The following LRBA variants were observed in gnomAD, a reference collection of about 807,000 sequenced individuals.
LRBA encodes the protein LPS responsive beige-like anchor protein.
LRBA carries 176 observed loss-of-function variants against 330.0 expected under a neutral mutation model. The observed-to-expected ratio is 0.53, with a 90% CI of 0.47 to 0.60. The LOEUF is 0.60. Among genes scored for constraint, LRBA ranks in the 20% least tolerant of loss-of-function variants. The pLI is 0.00. For missense variants in LRBA, 3,259 were observed against 3,444.8 expected, an observed-to-expected ratio of 0.95 and a Z score of 1.35; for synonymous variants, 1,230 against 1,193.0, an observed-to-expected ratio of 1.03 and a Z score of -0.64.
intron 40 of LRBA, among the ~76,000 whole-genome samples, chr4:150,577,644 G>A: frequency 6.6e-6 from 1 of 151,602 alleles, no homozygotes; most frequent in East Asian, 1.9e-4. Context: ...AATATTTCCT[G>A]GAAAATAAGA....
chr4:150,768,914 C>T (rs1437381712), intron 34 of LRBA, among the ~76,000 whole-genome samples: 1 of 138,228 alleles, frequency 7.2e-6, no homozygotes, highest in Non-Finnish European at 1.5e-5. Flanking sequence ...GGGATTTTAT[C>T]AAGTGCTGTC....
At chr4:150,599,257 CT>C in intron 37 of LRBA, 126 bp from the exon 38 acceptor site, 1 of 900,916 alleles carries the variant, frequency 1.1e-6, no homozygotes, top group South Asian at 1.7e-5. Flanking sequence ...TTAATTCTCC[CT>C]CCATCTCACA....
intron 2 of LRBA, among the ~76,000 whole-genome samples, chr4:150,964,604 T>C (rs980566668): frequency 1.3e-5 from 2 of 151,484 alleles, no homozygotes; most frequent in African/African-American, 2.4e-5. Context: ...TGTGCTTTGT[T>C]AAACAGATGC....
At chr4:150,414,811 T>A (rs1163766654) in intron 47 of LRBA, among the ~76,000 whole-genome samples, 2 of 152,176 alleles carry the variant, frequency 1.3e-5, no homozygotes, top group Non-Finnish European at 2.9e-5. Context: ...TTTTAAATAC[T>A]AAGAATAAAG....
intron 37 of LRBA, among the ~76,000 whole-genome samples, chr4:150,677,129 C>A (rs992048089): frequency 2.0e-5 from 3 of 151,782 alleles, no homozygotes; most frequent in Admixed American, 2.0e-4. Flanking sequence ...TTTACCTGAC[C>A]CCCCAACCCC....
At chr4:150,987,486 T>C (rs1408078744) in intron 2 of LRBA, among the ~76,000 whole-genome samples, 1 of 152,114 alleles carries the variant, frequency 6.6e-6, no homozygotes, top group Non-Finnish European at 1.5e-5. Flanking sequence ...GCAGACCACT[T>C]AGTCCAGTCA....
At chr4:150,851,519 G>A (rs1056206412) in intron 23 of LRBA, among the ~76,000 whole-genome samples, 5 of 152,176 alleles carry the variant, frequency 3.3e-5, no homozygotes, top group Non-Finnish European at 4.4e-5. Flanking sequence ...ATTATACACT[G>A]GCAGGTAGGT....
At chr4:150,558,736 T>A (rs1767659316) in intron 40 of LRBA, among the ~76,000 whole-genome samples, 1 of 152,236 alleles carries the variant, frequency 6.6e-6, no homozygotes, top group Admixed American at 6.5e-5. Context: ...AATGTATGCA[T>A]ATATACCAAT....
At chr4:150,981,995 A>T (rs544014718) in intron 2 of LRBA, among the ~76,000 whole-genome samples, 117 of 151,824 alleles carry the variant, frequency 7.7e-4, no homozygotes, top group African/African-American at 2.7e-3. Context: ...CCTGTTTCAT[A>T]GTTTAATAAA....
chr4:150,325,773 G>T, intron 49 of LRBA, 36 bp downstream of exon 49: 1 of 1,343,064 alleles, frequency 7.4e-7, no homozygotes, highest in Non-Finnish European at 1.1e-6. Flanking sequence ...ATCTGAAGGA[G>T]AGGCAAGAAA....
At chr4:150,940,516 C>T (rs368788007) in intron 2 of LRBA, among the ~76,000 whole-genome samples, 18 of 152,194 alleles carry the variant, frequency 1.2e-4, no homozygotes, top group African/African-American at 3.9e-4. Flanking sequence ...TATGCAGGTA[C>T]ATTTTAATGG....
At chr4:150,338,055 C>T (rs181635167) in intron 48 of LRBA, among the ~76,000 whole-genome samples, 2 of 152,244 alleles carry the variant, frequency 1.3e-5, no homozygotes, top group East Asian at 1.9e-4. Flanking sequence ...TAAACTTAAA[C>T]ACTGCTGCTG....
intron 40 of LRBA, among the ~76,000 whole-genome samples, chr4:150,516,873 T>C (rs1762414745): frequency 2.6e-5 from 4 of 152,104 alleles, no homozygotes; most frequent in South Asian, 2.1e-4. Context: ...GGATAACAAA[T>C]AGAAATAATA....
chr4:150,716,711 T>G (rs755563277), intron 36 of LRBA, among the ~76,000 whole-genome samples: 2 of 152,216 alleles, frequency 1.3e-5, no homozygotes, highest in African/African-American at 2.4e-5. Context: ...AAAATTGGTA[T>G]ATACAGTACC....
intron 28 of LRBA, among the ~76,000 whole-genome samples, chr4:150,843,865 GTAA>G (rs1749461246): frequency 6.6e-6 from 1 of 152,256 alleles, no homozygotes; most frequent in African/African-American, 2.4e-5. Flanking sequence ...TGCTTACTAT[GTAA>G]TAATGCATTA....
At chr4:150,914,812 C>T (rs1444237028) in intron 8 of LRBA, among the ~76,000 whole-genome samples, 1 of 152,068 alleles carries the variant, frequency 6.6e-6, no homozygotes, top group East Asian at 1.9e-4. Context: ...TAAAAAAGAG[C>T]TAACATTGAG....
chr4:150,614,973 G>C (rs1346423008), intron 37 of LRBA, among the ~76,000 whole-genome samples: 2 of 152,206 alleles, frequency 1.3e-5, no homozygotes, highest in African/African-American at 4.8e-5. Context: ...TACAAGGGAG[G>C]TAATAGGGAA....
chr4:150,915,686 C>T lies in LRBA; in HGVS notation c.936G>A (p.Lys312=). The change falls in exon 8 of 57, where the codon AAG becomes AAA. Residue 312 remains lysine, a synonymous_variant. Transcript: ENST00000651943. ...VTIVHIYNRW[K]NSELRCYVNG... is the part of the protein sequence containing the mutation. ...TCACATAACATCGAAGTTCACTATTCTTCCATCGGTTATAGATGTGTACTA... is the reference window on the plus strand; with the variant it reads ...TCACATAACATCGAAGTTCACTATTTTTCCATCGGTTATAGATGTGTACTA... The T allele has an allele frequency of 2.5e-6, 4 of 1,612,724 alleles. No individual in the cohort carries two copies. The highest frequency in any genetic ancestry group is 3.4e-6 in the Non-Finnish European group (4 of 1,179,032).
At chr4:150,923,190 A>AG (rs1733504324) in intron 4 of LRBA, among the ~76,000 whole-genome samples, 1 of 151,538 alleles carries the variant, frequency 6.6e-6, no homozygotes, top group South Asian at 2.1e-4. Flanking sequence ...AAGTCAAAAA[A>AG]AAAAAAAAAC....
Sources: gnomAD v4.1 joint callset for allele counts (sites outside exome capture counted in the v4.1 genomes callset) on GRCh38, gnomAD v4.1.1 for gene constraint, MANE v1.5 for transcripts, NCBI Gene and HGNC (gene_info 2026-07-23, HGNC 2026-07-21) for gene names.